KLK13: variants seen among roughly 807,000 people sequenced by gnomAD.
KLK13 encodes kallikrein-13.
Under a neutral mutation model 22.4 loss-of-function variants are expected in KLK13, and 19 were observed. The ratio of observed to expected loss-of-function variants is 0.85; its 90% CI spans 0.59 to 1.24. The LOEUF (loss-of-function observed/expected upper bound fraction) is 1.24. KLK13 is among the 50% of genes most tolerant of loss of function. The pLI is 0.00. For synonymous variants in KLK13, 156 were observed against 141.8 expected, an observed-to-expected ratio of 1.10 and a Z score of -0.71; for missense variants, 311 against 347.9, an observed-to-expected ratio of 0.89 and a Z score of 0.84.
In KLK13 at chr19:51,056,034, T is replaced by TAGC. The variant is rs1392128565; in HGVS notation, c.*550_*552dup. Among the ~76,000 whole-genome samples, 4 of 152,138 alleles carry TAGC rather than the reference T, an allele frequency of 2.6e-5. No individual in the cohort carries two copies. Among genetic ancestry groups the TAGC allele is most frequent in the Non-Finnish European group, 4.4e-5 (3 of 68,012 alleles). On this transcript the variant is annotated 3_prime_UTR_variant, in exon 5 of 5. Transcript: ENST00000595793. ...ATGAAATATTCTGAGGATCCAATGT[T>TAGC]AGCTGTGGTGAGTCACAGAGGTACA...
In KLK13 at chr19:51,065,085, G is replaced by T; in HGVS notation, c.-18C>A. 2.7e-6 allele frequency: 4 copies of T among 1,508,574 alleles called. No homozygotes were observed. Among genetic ancestry groups the T allele is most frequent in the Non-Finnish European group, 2.7e-6 (3 of 1,115,152 alleles). The allele number at this position is 1,508,574 out of a possible 1,614,324, so 93.4% of individuals were successfully genotyped here. A position where few individuals can be genotyped will look rare whatever the true frequency, so the allele number is the denominator to read the frequency against. On this transcript the variant is annotated 5_prime_UTR_variant, in exon 1 of 5. Transcript: ENST00000595793. ...GGCCACATGGCTCCGGGATCGGGAG[G>T]GGAGGGCAGGGCGGGCGGGGCCTGA...
chr19:51,059,906 G>A lies in KLK13; in HGVS notation c.427C>T (p.Leu143=), dbSNP rs199961227. 9.8e-5 allele frequency: 157 copies of A among 1,606,834 alleles called. No individual in the cohort carries two copies. The African/African-American group carries it at 1.9e-3, about 20-fold the overall frequency. ...PVQLTGYIQT[L]PLSHNNRLTP... is the part of the protein sequence containing the mutation. ...AGGCGGTTGTTGTGGGAAAGGGGCA[G>A]GGTTTGGATGTAGCCTGTGAGCTGG... The change falls in exon 3 of 5, where the codon CTG becomes TTG. Residue 143 remains leucine, a synonymous_variant. Transcript: ENST00000595793.
At chr19:51,059,664 A>C (rs541739303) in intron 3 of KLK13, 161 bp downstream of exon 3, 1 of 385,260 alleles carries the variant, frequency 2.6e-6, no homozygotes, top group East Asian at 4.3e-5. Flanking sequence ...TCATGAATTT[A>C]TATTTATATA....
chr19:51,057,268 G>A (rs111471620), intron 4 of KLK13, among the ~76,000 whole-genome samples: 1 of 152,014 alleles, frequency 6.6e-6, no homozygotes, highest in Admixed American at 6.5e-5. Context: ...CTGGGCCCAA[G>A]GCAGACATCA....
In KLK13 at chr19:51,056,730, T is replaced by C; in HGVS notation, c.691A>G (p.Ile231Val). Reference sequence around the variant, plus strand: ...CATGGGAAGTCTCCCCAGGAGACGATGCCATACAGTGTTCTGTTACAGACC... The same window carrying C: ...CATGGGAAGTCTCCCCAGGAGACGACGCCATACAGTGTTCTGTTACAGACC... Reference protein sequence around the residue: ...PLVCNRTLYGIVSWGDFPCGQ... With the variant: ...PLVCNRTLYGVVSWGDFPCGQ... The change falls in exon 5 of 5, where the codon ATC becomes GTC. Residue 231 changes from isoleucine (I) to valine (V), a missense_variant. By Grantham distance (29) the Ile-to-Val change is conservative (BLOSUM62 3). Coordinates refer to ENST00000595793, the MANE Select transcript of KLK13 (RefSeq NM_015596.3). The C allele has an allele frequency of 1.2e-6, 2 of 1,614,146 alleles. No homozygotes were observed. The highest frequency in any genetic ancestry group is 1.3e-5 in the African/African-American group (1 of 75,034).
chr19:51,060,108 AG>A lies in KLK13; in HGVS notation c.240-16del. On this transcript the variant is annotated splice_polypyrimidine_tract_variant and intron_variant, in intron 2 of 4. Coordinates refer to ENST00000595793, the MANE Select transcript of KLK13 (RefSeq NM_015596.3). ...CTTTGAGCCCCCTGTGGGTGCAGAA[AG>A]AAGGTGGTTAGGAAAGAAGATGAGC... 1 of 1,612,458 alleles carries A rather than the reference AG, an allele frequency of 6.2e-7. No individual in the cohort carries two copies. The highest frequency in any genetic ancestry group is 2.2e-5 in the East Asian group (1 of 44,862).
Position 51,058,656 on chromosome 19 carries a change from A to G in KLK13, c.527T>C (p.Leu176Pro). The change falls in exon 4 of 5, where the codon CTA becomes CCA. Residue 176 changes from leucine (L) to proline (P), a missense_variant. Physicochemically the swap from Leu to Pro is moderately conservative, Grantham distance 98. Coordinates refer to ENST00000595793, the MANE Select transcript of KLK13 (RefSeq NM_015596.3). ...GCGAAGTTGGATGTTGGCACATTGTAGAGTTTTGGGGTAATTCACTGGGGA... is the reference window on the plus strand; with the variant it reads ...GCGAAGTTGGATGTTGGCACATTGTGGAGTTTTGGGGTAATTCACTGGGGA... ...TSPQVNYPKT[L>P]QCANIQLRSD... 1 of 1,614,152 alleles carries G rather than the reference A, an allele frequency of 6.2e-7. No individual in the cohort carries two copies. Among genetic ancestry groups the G allele is most frequent in the Non-Finnish European group, 8.5e-7 (1 of 1,180,034 alleles).
At chr19:51,063,854 G>GT (rs1182834918) in intron 1 of KLK13, 2 of 462,722 alleles carry the variant, frequency 4.3e-6, no homozygotes, top group African/African-American at 4.0e-5. Flanking sequence ...GCTCCTTGAA[G>GT]TCTTCACCTC....
Position 51,061,181 on chromosome 19 carries a change from TCATCCATCCATC to T in KLK13, c.53-574_53-563del, listed in dbSNP as rs57784587. 6.7e-4 allele frequency among the ~76,000 whole-genome samples: 96 copies of T among 144,040 alleles called. No homozygotes were observed. The East Asian group carries it at 8.5e-3, about 13-fold the overall frequency. 94.5% of individuals were successfully genotyped at this position (144,040 alleles called of 152,430 possible). A position where few individuals can be genotyped will look rare whatever the true frequency, so the allele number is the denominator to read the frequency against. ...TCCCTCCATCCACTGGTCCATTTAT[TCATCCATCCATC>T]CATCCATCCATCCATCCATCCATCC... is the stretch of plus-strand genomic sequence containing the variant. On this transcript the variant is annotated intron_variant, in intron 1 of 4. Coordinates refer to ENST00000595793, the MANE Select transcript of KLK13 (RefSeq NM_015596.3).
At chr19:51,061,466 C>T (rs1382449207) in intron 1 of KLK13, among the ~76,000 whole-genome samples, 1 of 152,224 alleles carries the variant, frequency 6.6e-6, no homozygotes, top group East Asian at 1.9e-4. Flanking sequence ...CAACTTGATT[C>T]TTCTCAATCA....
At chr19:51,060,380 C>T in intron 2 of KLK13, 53 bp downstream of exon 2, 1 of 1,510,798 alleles carries the variant, frequency 6.6e-7, no homozygotes, top group South Asian at 1.3e-5. Context: ...ACCCCATCCA[C>T]AATCCCAGTC....
chr19:51,059,506 TAA>T (rs1160573335), intron 3 of KLK13: 12 of 152,868 alleles, frequency 7.8e-5, no homozygotes, highest in Non-Finnish European at 1.5e-4. Flanking sequence ...TTATAATTTA[TAA>T]AATACATTTA....
Position 51,060,066 on chromosome 19 carries a change from G to A in KLK13, c.267C>T (p.His89=), listed in dbSNP as rs138178458. 146 of 1,613,590 alleles carry A rather than the reference G, an allele frequency of 9.0e-5. No individual in the cohort carries two copies. In the African/African-American group the frequency reaches 1.8e-3, roughly 19 times the overall value. Residue 89 remains histidine, a synonymous_variant, in exon 3 of 5, where the codon CAC becomes CAT. Coordinates refer to ENST00000595793, the MANE Select transcript of KLK13 (RefSeq NM_015596.3). ...CACCAGCTTCCACACGCCCTAGGGC[G>A]TGCTTGCCTAGGTAAACTTTGAGCC... ...KEGLKVYLGK[H]ALGRVEAGEQ...
At position 51,056,470 on chromosome 19, in the gene KLK13, T is replaced by C; in HGVS notation, c.*117A>G. 1 of 1,086,046 alleles carries C rather than the reference T, an allele frequency of 9.2e-7. No homozygotes were observed. The highest frequency in any genetic ancestry group is 1.4e-6 in the Non-Finnish European group (1 of 734,284). The allele number at this position is 1,086,046 out of a possible 1,614,324, so 67.3% of individuals were successfully genotyped here. A position where few individuals can be genotyped will look rare whatever the true frequency, so the allele number is the denominator to read the frequency against. On this transcript the variant is annotated 3_prime_UTR_variant, in exon 5 of 5. Transcript: ENST00000595793. ...AATGTTAGCTGAGATTGAGCATTTT[T>C]CAGGACATGGATCACTGGTTCAAAT... is the stretch of plus-strand genomic sequence containing the variant.
intron 1 of KLK13, chr19:51,064,806 T>C (rs1487749744): frequency 2.3e-5 from 14 of 614,254 alleles, no homozygotes; most frequent in Admixed American, 5.6e-5. Flanking sequence ...TTTTGGGAGG[T>C]GAAGGGTCTG....
In KLK13 at chr19:51,059,832, G is replaced by A; in HGVS notation, c.501C>T (p.Ser167=). The part of the protein sequence containing the change: ...CRVSGWGTTT[S]PQVNYPKTLQ... The stretch of plus-strand genomic sequence containing the variant: ...ACCTGTGTGGGTGCATACCCTGGGG[G>A]CTGGTGGTGGTGCCCCAGCCAGACA... Residue 167 remains serine, a synonymous_variant, in exon 3 of 5, where the codon AGC becomes AGT. Coordinates refer to ENST00000595793, the MANE Select transcript of KLK13 (RefSeq NM_015596.3). 6.2e-7 allele frequency: 1 copy of A among 1,601,148 alleles called. No individual in the cohort carries two copies. Among genetic ancestry groups the A allele is most frequent in the South Asian group, 1.1e-5 (1 of 89,092 alleles).
chr19:51,063,718 C>A (rs1406907131), intron 1 of KLK13: 2 of 456,600 alleles, frequency 4.4e-6, no homozygotes, highest in Non-Finnish European at 8.8e-6. Context: ...ACCTTCAGGC[C>A]AAGGATGGTG....
chr19:51,062,352 C>T (rs2091738163), intron 1 of KLK13, among the ~76,000 whole-genome samples: 1 of 152,136 alleles, frequency 6.6e-6, no homozygotes, highest in Admixed American at 6.5e-5. Flanking sequence ...CTCCTGGTCC[C>T]GACTCCTCCC....
At position 51,058,601 on chromosome 19, in the gene KLK13, T is replaced by G. The variant is rs770396703; in HGVS notation, c.582A>C (p.Pro194=). The change falls in exon 4 of 5, where the codon CCA becomes CCC. Residue 194 remains proline, a synonymous_variant. Transcript: ENST00000595793. ...RSDEECRQVY[P]GKITDNMLCA... is the part of the protein sequence containing the mutation. Reference sequence around the variant, plus strand: ...ACAACATGTTGTCAGTGATCTTTCCTGGGTAGACTTGACGACACTCCTCAT... The same window carrying G: ...ACAACATGTTGTCAGTGATCTTTCCGGGGTAGACTTGACGACACTCCTCAT... 6.2e-7 allele frequency: 1 copy of G among 1,614,138 alleles called. No homozygotes were observed. The highest frequency in any genetic ancestry group is 1.7e-5 in the Admixed American group (1 of 60,014).
Sources: gnomAD v4.1 joint callset for allele counts (sites outside exome capture counted in the v4.1 genomes callset) on GRCh38, gnomAD v4.1.1 for gene constraint, MANE v1.5 for transcripts, NCBI Gene and HGNC (gene_info 2026-07-23, HGNC 2026-07-21) for gene names.